The following ARID4B variants were observed in gnomAD, a reference collection of about 807,000 sequenced individuals.
ARID4B encodes the protein AT-rich interactive domain-containing protein 4B.
Under a neutral mutation model 147.5 loss-of-function variants are expected in ARID4B, and 26 were observed. The observed-to-expected ratio is 0.18, with a 90% CI of 0.13 to 0.24. ARID4B has a LOEUF of 0.24. ARID4B is among the 10% of genes least tolerant of loss of function. ARID4B has a pLI of 1.00. For missense variants in ARID4B, 1,179 were observed against 1,511.5 expected, an observed-to-expected ratio of 0.78 and a Z score of 3.65; for synonymous variants, 512 against 507.9, an observed-to-expected ratio of 1.01 and a Z score of -0.11.
At position 235,234,442 on chromosome 1, in the gene ARID4B, A is replaced by G; in HGVS notation, c.636T>C (p.Ile212=). 1 of 1,607,230 alleles carries G rather than the reference A, an allele frequency of 6.2e-7. No homozygotes were observed. The highest frequency in any genetic ancestry group is 8.5e-7 in the Non-Finnish European group (1 of 1,175,270). The change falls in exon 9 of 24, where the codon ATT becomes ATC. Residue 212 remains isoleucine, a synonymous_variant. Transcript: ENST00000264183. ...TTCCATCTTTGAAAGATCGAACAAG[A>G]ATATTGTCCTTTTTTACAGCAATCT... ...SDEIAVKKDN[I]LVRSFKDGKF...
chr1:235,253,981 C>T (rs775732858), intron 5 of ARID4B, among the ~76,000 whole-genome samples: 48 of 152,194 alleles, frequency 3.2e-4, no homozygotes, highest in South Asian at 2.5e-3. Flanking sequence ...GATTCTTATA[C>T]GTTACATAAC....
chr1:235,167,127 C>A lies in ARID4B; in HGVS notation c.*1398G>T. 1 of 194,424 alleles carries A rather than the reference C, an allele frequency of 5.1e-6. No homozygotes were observed. The allele number at this position is 194,424 out of a possible 1,614,324, so 12.0% of individuals were successfully genotyped here. ...GTTACTGTAAGCACACACTACAAGA[C>A]TGAAAATGCTTTTCTTAGAAAAGTT... On this transcript the variant is annotated 3_prime_UTR_variant, in exon 24 of 24. Transcript: ENST00000264183.
In ARID4B at chr1:235,213,959, C is replaced by G; in HGVS notation, c.1651G>C (p.Glu551Gln). ...TCATCATCATCTTCATCCTCTTCTT[C>G]TTCTTCCTCCTCCTCCTCCTCTTCT... Reference protein sequence around the residue: ...EAEEEEEEEEEEEDEDDDDNN... With the variant: ...EAEEEEEEEEQEEDEDDDDNN... The change falls in exon 17 of 24, where the codon GAA becomes CAA. Residue 551 changes from glutamate (E) to glutamine (Q), a missense_variant. Glu to Gln is a conservative substitution (Grantham distance 29, BLOSUM62 2). Coordinates refer to ENST00000264183, the MANE Select transcript of ARID4B (RefSeq NM_016374.6). The G allele has an allele frequency of 6.3e-7, 1 of 1,599,438 alleles. No individual in the cohort carries two copies. The highest frequency in any genetic ancestry group is 1.1e-5 in the South Asian group (1 of 90,786).
At chr1:235,232,503 G>C (rs1302461310) in intron 9 of ARID4B, among the ~76,000 whole-genome samples, 1 of 151,326 alleles carries the variant, frequency 6.6e-6, no homozygotes, top group African/African-American at 2.4e-5. Flanking sequence ...ACACTTTGGG[G>C]GCCAAAGTGG....
chr1:235,326,776 G>T, intron 2 of ARID4B, 138 bp downstream of exon 2: 1 of 1,105,572 alleles, frequency 9.0e-7, no homozygotes. Context: ...CGGTCTCTCT[G>T]GGGAAGGGCT....
At chr1:235,220,611 T>C in intron 14 of ARID4B, 66 bp from the exon 15 acceptor site, 1 of 1,230,772 alleles carries the variant, frequency 8.1e-7, no homozygotes, top group Non-Finnish European at 1.1e-6. Flanking sequence ...GAGTTATTTT[T>C]AATGTGTATT....
chr1:235,177,282 T>C (rs1663954568), intron 21 of ARID4B, among the ~76,000 whole-genome samples: 2 of 152,352 alleles, frequency 1.3e-5, no homozygotes, highest in South Asian at 2.1e-4. Flanking sequence ...AAAAGAACTG[T>C]GGAATACAAA....
chr1:235,258,031 A>G (rs1326927135), intron 3 of ARID4B, among the ~76,000 whole-genome samples: 1 of 152,132 alleles, frequency 6.6e-6, no homozygotes, highest in Admixed American at 6.5e-5. Flanking sequence ...CATTTTGTTG[A>G]TAAGAAAACT....
chr1:235,238,153 A>AAAAAGAAAAGAAAAG (rs1232349730), intron 8 of ARID4B, among the ~76,000 whole-genome samples: 261 of 141,190 alleles, frequency 1.8e-3, no homozygotes, highest in African/African-American at 2.7e-3. Context: ...CAAAAAAAAA[A>AAAAAGAAAAGAAAAG]AAAAGAAAAG....
intron 8 of ARID4B, among the ~76,000 whole-genome samples, chr1:235,238,853 T>C (rs1668794338): frequency 7.2e-6 from 1 of 139,354 alleles, no homozygotes; most frequent in African/African-American, 3.0e-5. Context: ...AGCCTCTGTC[T>C]CCGGGGAAAA....
chr1:235,214,944 C>A (rs1304794495), intron 16 of ARID4B, among the ~76,000 whole-genome samples: 2 of 148,228 alleles, frequency 1.3e-5, no homozygotes, highest in East Asian at 4.0e-4. Context: ...CAGGTTCAAG[C>A]GATTCTCCTG....
Position 235,195,149 on chromosome 1 carries a change from T to TAG in ARID4B, c.1926+881_1926+882insCT, listed in dbSNP as rs554340021. On this transcript the variant is annotated intron_variant, in intron 18 of 23. Coordinates refer to ENST00000264183, the MANE Select transcript of ARID4B (RefSeq NM_016374.6). ...GAGTAATTCTCCTAAGGATGGTACA[T>TAG]ATCTAGTATCATTCCAGATGCATAG... is the stretch of plus-strand genomic sequence containing the variant. Among the ~76,000 whole-genome samples, 36 of 152,290 alleles carry TAG rather than the reference T, an allele frequency of 2.4e-4. No homozygotes were observed. In the South Asian group the frequency reaches 7.5e-3, roughly 32 times the overall value.
chr1:235,308,078 T>C lies in ARID4B; in HGVS notation c.6+18836A>G, dbSNP rs576435901. ...TTTTTATGTTTTTTCATATGATTTCTTCTAATTTTTTTTTTTTTTTTTTTT... is the reference window on the plus strand; with the variant it reads ...TTTTTATGTTTTTTCATATGATTTCCTCTAATTTTTTTTTTTTTTTTTTTT... On this transcript the variant is annotated intron_variant, in intron 2 of 23. Transcript: ENST00000264183. Among the ~76,000 whole-genome samples the C allele has an allele frequency of 6.1e-5, 9 of 147,144 alleles. No individual in the cohort carries two copies. The South Asian group carries it at 1.9e-3, about 31-fold the overall frequency.
intron 2 of ARID4B, among the ~76,000 whole-genome samples, chr1:235,263,508 C>T (rs1261087805): frequency 1.3e-5 from 2 of 152,140 alleles, no homozygotes; most frequent in Admixed American, 1.3e-4. Flanking sequence ...ACTCCCTCCG[C>T]CCCCAAATTA....
chr1:235,214,835 T>A (rs1170615575), intron 16 of ARID4B, among the ~76,000 whole-genome samples: 2 of 90,604 alleles, frequency 2.2e-5, no homozygotes, highest in South Asian at 4.6e-4. Context: ...GAGTATTACA[T>A]CCTTTTTTTT....
At chr1:235,295,427 T>C (rs1404247470) in intron 2 of ARID4B, among the ~76,000 whole-genome samples, 2 of 150,738 alleles carry the variant, frequency 1.3e-5, no homozygotes, top group African/African-American at 4.9e-5. Context: ...GGAGAATTGC[T>C]TGAACCTGGG....
In ARID4B at chr1:235,167,644, AAATG is replaced by A; in HGVS notation, c.*877_*880del. 1 of 207,460 alleles carries A rather than the reference AAATG, an allele frequency of 4.8e-6. No individual in the cohort carries two copies. 12.9% of individuals were successfully genotyped at this position (207,460 alleles called of 1,614,324 possible). On this transcript the variant is annotated 3_prime_UTR_variant, in exon 24 of 24. Transcript: ENST00000264183. ...TAGCTCATAATAAAATAAGCAATAC[AAATG>A]AATTATCTGTATTTAAGGGAAAAGA...
chr1:235,255,630 A>C (rs907766986), intron 5 of ARID4B, 30 bp downstream of exon 5: 12 of 1,441,366 alleles, frequency 8.3e-6, no homozygotes, highest in Non-Finnish European at 1.1e-5. Context: ...AACTAAAAAC[A>C]CATTTTTAAA....
In ARID4B at chr1:235,182,449, TACC is replaced by T; in HGVS notation, c.2467_2469del (p.Gly823del). The T allele has an allele frequency of 6.2e-7, 1 of 1,611,844 alleles. No homozygotes were observed. The highest frequency in any genetic ancestry group is 8.5e-7 in the Non-Finnish European group (1 of 1,179,552). On this transcript the variant is annotated inframe_deletion, in exon 20 of 24. Coordinates refer to ENST00000264183, the MANE Select transcript of ARID4B (RefSeq NM_016374.6). The stretch of plus-strand genomic sequence containing the variant: ...TCTTCTGTATTGCAATACCTTCTTT[TACC>T]ACGTTTTATTTGTGGTTTTGAAGAT...
Sources: allele counts gnomAD v4.1 joint callset (sites outside exome capture counted in the v4.1 genomes callset), GRCh38; gene constraint gnomAD v4.1.1; transcripts MANE v1.5; gene names NCBI Gene and HGNC (gene_info 2026-07-23, HGNC 2026-07-21).